DTNA: variants seen among roughly 807,000 people sequenced by gnomAD.
The protein encoded by DTNA is dystrobrevin alpha, also known as dystrophin-related protein 3.
Under a neutral mutation model 100.7 loss-of-function variants are expected in DTNA, and 43 were observed. That is an observed-to-expected ratio of 0.43 (90% CI 0.33 to 0.55). The LOEUF is 0.55. Among genes scored for constraint, DTNA ranks in the 20% least tolerant of loss-of-function variants. The pLI is 0.04. For synonymous variants in DTNA, 349 were observed against 347.9 expected (o/e 1.00, Z -0.04); for missense variants, 798 against 953.9 (o/e 0.84, Z 2.15).
chr18:34,852,039 G>A, intron 15 of DTNA, 111 bp downstream of exon 15: 1 of 1,051,064 alleles, frequency 9.5e-7, no homozygotes, highest in Non-Finnish European at 1.4e-6. Context: ...CTACTCAAGG[G>A]AAGACATCTA....
intron 1 of DTNA, among the ~76,000 whole-genome samples, chr18:34,498,366 G>C (rs1266009745): frequency 6.6e-6 from 1 of 151,438 alleles, no homozygotes; most frequent in African/African-American, 2.4e-5. Flanking sequence ...CCGGGAGGCA[G>C]AGCTTGCAGT....
Position 34,851,940 on chromosome 18 carries a change from TAGACGTGC to T in DTNA, c.1532+13_1532+20del, listed in dbSNP as rs1370992621. The T allele has an allele frequency of 3.7e-6, 6 of 1,613,164 alleles. No individual in the cohort carries two copies. The East Asian group carries it at 6.7e-5, about 18-fold the overall frequency. On this transcript the variant is annotated intron_variant, in intron 15 of 22. Transcript: ENST00000444659. ...GAAAACAAGAACAGGTGAGACTTTG[TAGACGTGC>T]TGGCTTGTTTGATCAATGTGCGCAT...
At chr18:34,871,366 T>G (rs1285173665) in intron 17 of DTNA, among the ~76,000 whole-genome samples, 1 of 152,250 alleles carries the variant, frequency 6.6e-6, no homozygotes, top group African/African-American at 2.4e-5. Flanking sequence ...ATTTTTCATT[T>G]ATTCTCCAGG....
At chr18:34,882,995 C>T (rs2096888104) in intron 21 of DTNA, among the ~76,000 whole-genome samples, 1 of 152,114 alleles carries the variant, frequency 6.6e-6, no homozygotes, top group South Asian at 2.1e-4. Context: ...AAGGTATGGA[C>T]GGACAGATTT....
At chr18:34,723,768 G>A (rs1325261276) in intron 1 of DTNA, among the ~76,000 whole-genome samples, 1 of 151,912 alleles carries the variant, frequency 6.6e-6, no homozygotes, top group Non-Finnish European at 1.5e-5. Context: ...GCGTGGTGAC[G>A]GGTGCCTGTA....
At chr18:34,880,838 T>C (rs2096864966) in intron 20 of DTNA, among the ~76,000 whole-genome samples, 1 of 152,256 alleles carries the variant, frequency 6.6e-6, no homozygotes, top group African/African-American at 2.4e-5. Context: ...TTGTCCTTTC[T>C]TCTGTATTCT....
chr18:34,619,748 C>A (rs781712607), intron 1 of DTNA, among the ~76,000 whole-genome samples: 9 of 151,952 alleles, frequency 5.9e-5, no homozygotes, highest in Non-Finnish European at 1.3e-4. Context: ...ACTAAAATAT[C>A]CAGTAGTCAT....
chr18:34,545,528 T>C (rs943488193), intron 1 of DTNA, among the ~76,000 whole-genome samples: 8 of 152,120 alleles, frequency 5.3e-5, no homozygotes, highest in Non-Finnish European at 1.0e-4. Context: ...AATTATAGAA[T>C]GCATAACTTA....
chr18:34,758,650 A>C (rs1287595611), intron 2 of DTNA, among the ~76,000 whole-genome samples: 1 of 152,200 alleles, frequency 6.6e-6, no homozygotes. Context: ...AAGGGCTGGC[A>C]CCCAGGTTCT....
chr18:34,620,209 A>C (rs1404125304), intron 1 of DTNA, among the ~76,000 whole-genome samples: 2 of 152,206 alleles, frequency 1.3e-5, no homozygotes, highest in Non-Finnish European at 2.9e-5. Context: ...GAGATGGAGA[A>C]GTTTAGACAG....
chr18:34,736,555 G>A (rs2089632534), intron 1 of DTNA, among the ~76,000 whole-genome samples: 3 of 152,122 alleles, frequency 2.0e-5, no homozygotes, highest in Non-Finnish European at 4.4e-5. Context: ...AACTAGTAGG[G>A]TGGACAGCGA....
At position 34,889,976 on chromosome 18, in the gene DTNA, C is replaced by G; in HGVS notation, c.*2242C>G. 8.8e-7 allele frequency: 1 copy of G among 1,134,238 alleles called. No homozygotes were observed. The highest frequency in any genetic ancestry group is 1.1e-6 in the Non-Finnish European group (1 of 922,256). 70.3% of individuals were successfully genotyped at this position (1,134,238 alleles called of 1,614,324 possible). On this transcript the variant is annotated 3_prime_UTR_variant, in exon 23 of 23. Coordinates refer to ENST00000444659, the MANE Select transcript of DTNA (RefSeq NM_001386795.1). The stretch of plus-strand genomic sequence containing the variant: ...GCCTCATACTCAGTATTGAAAACCA[C>G]TACATCCCAGCTACCTATAATGCTG...
At chr18:34,768,339 AAAAG>A (rs1418042403) in intron 3 of DTNA, among the ~76,000 whole-genome samples, 4 of 152,132 alleles carry the variant, frequency 2.6e-5, no homozygotes, top group African/African-American at 9.7e-5. Flanking sequence ...GAAAACAAAG[AAAAG>A]AAAGAAAGGA....
intron 1 of DTNA, among the ~76,000 whole-genome samples, chr18:34,612,979 G>GT (rs2054530857): frequency 6.6e-6 from 1 of 152,044 alleles, no homozygotes; most frequent in Non-Finnish European, 1.5e-5. Flanking sequence ...CACAGATACT[G>GT]TAATTTTTTT....
chr18:34,755,201 C>T (rs1298980189), intron 1 of DTNA, among the ~76,000 whole-genome samples: 1 of 152,198 alleles, frequency 6.6e-6, no homozygotes, highest in South Asian at 2.1e-4. Flanking sequence ...CCAAAGCCCT[C>T]TACATGATTA....
Position 34,664,739 on chromosome 18 carries a change from T to C in DTNA, c.-1-91237T>C, listed in dbSNP as rs2075666354. Among the ~76,000 whole-genome samples, 3 of 152,122 alleles carry C rather than the reference T, an allele frequency of 2.0e-5. No homozygotes were observed. The South Asian group carries it at 6.2e-4, about 32-fold the overall frequency. On this transcript the variant is annotated intron_variant, in intron 1 of 19. Transcript: ENST00000283365. ...CTTTCCATTAGCTTGCCAAGTAGCT[T>C]TGGGTTTTATCTCCAGTGAATTTAT... is the stretch of plus-strand genomic sequence containing the variant.
intron 1 of DTNA, among the ~76,000 whole-genome samples, chr18:34,572,355 A>G (rs1454353455): frequency 6.6e-6 from 1 of 152,102 alleles, no homozygotes; most frequent in African/African-American, 2.4e-5. Context: ...TTTTCTGTCA[A>G]CCATGATAAT....
At chr18:34,764,225 A>G (rs2093351249) in intron 2 of DTNA, among the ~76,000 whole-genome samples, 1 of 4,504 alleles carries the variant, frequency 2.2e-4, no homozygotes, top group African/African-American at 2.6e-4. Context: ...AGAAGTCAAG[A>G]CTTTATATCT....
At chr18:34,699,145 A>G (rs1411120512) in intron 1 of DTNA, among the ~76,000 whole-genome samples, 1 of 150,940 alleles carries the variant, frequency 6.6e-6, no homozygotes, top group Non-Finnish European at 1.5e-5. Context: ...CAGAACCAAT[A>G]TGTACTCACA....
Sources: gnomAD v4.1 joint callset for allele counts (sites outside exome capture counted in the v4.1 genomes callset) on GRCh38, gnomAD v4.1.1 for gene constraint, MANE v1.5 for transcripts, NCBI Gene and HGNC (gene_info 2026-07-23, HGNC 2026-07-21) for gene names.